The following GRB2 variants were observed in gnomAD, a reference collection of about 807,000 sequenced individuals.
GRB2 encodes growth factor receptor-bound protein 2.
In GRB2, 2 loss-of-function variants were observed where a neutral mutation model predicts 27.4. The ratio of observed to expected loss-of-function variants is 0.07; its 90% CI spans 0.03 to 0.23. GRB2 has a LOEUF of 0.23. GRB2 is among the 10% of genes least tolerant of loss of function. The probability of loss-of-function intolerance (pLI) is 1.00; values close to 1 mark genes in which losing one functional copy is unlikely to be tolerated. For missense variants in GRB2, 102 were observed against 282.4 expected (o/e 0.36, Z 4.58); for synonymous variants, 94 against 99.6 (o/e 0.94, Z 0.33).
chr17:75,358,897 A>ATT (rs3082677), intron 2 of GRB2, among the ~76,000 whole-genome samples: 34,285 of 83,118 alleles, frequency 0.41, 8,775 homozygotes, highest in East Asian at 0.76. Flanking sequence ...AAAAAAAAAA[A>ATT]ATTATATATA....
intron 2 of GRB2, among the ~76,000 whole-genome samples, chr17:75,389,407 G>A (rs975794607): frequency 6.6e-6 from 1 of 152,058 alleles, no homozygotes; most frequent in Non-Finnish European, 1.5e-5. Context: ...TGTGCAACCC[G>A]ACTCAAGTAT....
In GRB2 at chr17:75,405,567, T is replaced by G. The variant is rs1404513926; in HGVS notation, c.-216A>C. 2 of 155,534 alleles carry G rather than the reference T, an allele frequency of 1.3e-5. No homozygotes were observed. Among genetic ancestry groups the G allele is most frequent in the Non-Finnish European group, 2.9e-5 (2 of 69,472 alleles). The allele number at this position is 155,534 out of a possible 1,614,324, so 9.6% of individuals were successfully genotyped here. ...GCGGCCGGCGACCCCAAGGCTGCTCTGCGAGGGCAGCGCTTGCTCCCGCCG... is the reference window on the plus strand; with the variant it reads ...GCGGCCGGCGACCCCAAGGCTGCTCGGCGAGGGCAGCGCTTGCTCCCGCCG... On this transcript the variant is annotated 5_prime_UTR_variant, in exon 1 of 6. Transcript: ENST00000316804.
intron 2 of GRB2, among the ~76,000 whole-genome samples, chr17:75,336,379 A>G (rs931199215): frequency 6.6e-6 from 1 of 152,192 alleles, no homozygotes; most frequent in Admixed American, 6.5e-5. Context: ...TGGAAGACAG[A>G]GAGTCAGACT....
intron 2 of GRB2, among the ~76,000 whole-genome samples, chr17:75,351,077 GC>G (rs780753047): frequency 6.6e-6 from 1 of 152,314 alleles, no homozygotes. Flanking sequence ...ACAAAGAGCA[GC>G]AGCAGGAAGA....
chr17:75,339,848 T>C (rs2078608731), intron 2 of GRB2, among the ~76,000 whole-genome samples: 1 of 152,112 alleles, frequency 6.6e-6, no homozygotes, highest in Non-Finnish European at 1.5e-5. Context: ...AGGGTGGTCT[T>C]GAACTACTGA....
intron 2 of GRB2, among the ~76,000 whole-genome samples, chr17:75,350,719 C>A (rs2078686184): frequency 6.6e-6 from 1 of 152,124 alleles, no homozygotes; most frequent in African/African-American, 2.4e-5. Context: ...GTCTCGATCT[C>A]CTGACCTCGT....
intron 2 of GRB2, among the ~76,000 whole-genome samples, chr17:75,354,756 T>C (rs971465150): frequency 1.3e-5 from 2 of 152,078 alleles, no homozygotes; most frequent in East Asian, 1.9e-4. Context: ...ACAGTGAAAA[T>C]AGAAGAAAAG....
At chr17:75,348,098 A>C (rs1420736184) in intron 2 of GRB2, among the ~76,000 whole-genome samples, 1 of 152,188 alleles carries the variant, frequency 6.6e-6, no homozygotes, top group African/African-American at 2.4e-5. Context: ...TGGAGTGCAG[A>C]GGCACAATCA....
chr17:75,319,175 G>A lies in GRB2; in HGVS notation c.*1193C>T, dbSNP rs539604304. 1 of 80,278 alleles carries A rather than the reference G, an allele frequency of 1.2e-5. No homozygotes were observed. Among genetic ancestry groups the A allele is most frequent in the African/African-American group, 4.1e-5 (1 of 24,134 alleles). The allele number at this position is 80,278 out of a possible 1,614,324, so 5.0% of individuals were successfully genotyped here. A position where few individuals can be genotyped will look rare whatever the true frequency, so the allele number is the denominator to read the frequency against. Reference sequence around the variant, plus strand: ...CCTGGCTTAGTACAAGCAGGAGAACGCCTCACCTTCCACTCCTGCTTTGTC... The same window carrying A: ...CCTGGCTTAGTACAAGCAGGAGAACACCTCACCTTCCACTCCTGCTTTGTC... On this transcript the variant is annotated 3_prime_UTR_variant, in exon 6 of 6. Transcript: ENST00000316804.
Position 75,320,809 on chromosome 17 carries a change from G to A in GRB2, c.469-256C>T, listed in dbSNP as rs951290987. Among the ~76,000 whole-genome samples the A allele has an allele frequency of 1.1e-4, 16 of 152,122 alleles. No homozygotes were observed. The highest frequency in any genetic ancestry group is 3.4e-4 in the African/African-American group (14 of 41,412). ...CCAGAGGAGGGTGGCCAACTGTGCCGTATTATCAAGTAGAGGGCAGGCAGT... is the reference window on the plus strand; with the variant it reads ...CCAGAGGAGGGTGGCCAACTGTGCCATATTATCAAGTAGAGGGCAGGCAGT... On this transcript the variant is annotated intron_variant, in intron 5 of 5. Transcript: ENST00000316804. This position sits in a 1 kb window ranked among gnomAD's most constrained non-coding sequence, Gnocchi z 4.3.
intron 2 of GRB2, among the ~76,000 whole-genome samples, chr17:75,356,510 G>A (rs2078734977): frequency 6.6e-6 from 1 of 152,140 alleles, no homozygotes; most frequent in African/African-American, 2.4e-5. Context: ...CCTATCATTC[G>A]TTCTTTCATA....
intron 1 of GRB2, among the ~76,000 whole-genome samples, chr17:75,395,196 A>G (rs4788892): frequency 0.67 from 101,548 of 152,170 alleles, 39,010 homozygotes; most frequent in East Asian, 0.96. Context: ...AGATTAGACC[A>G]AGATAAGTAT....
At chr17:75,352,136 G>A (rs1262539774) in intron 2 of GRB2, among the ~76,000 whole-genome samples, 1 of 152,172 alleles carries the variant, frequency 6.6e-6, no homozygotes, top group African/African-American at 2.4e-5. Context: ...AATTACCCAG[G>A]TCCTGGCCTC....
intron 5 of GRB2, among the ~76,000 whole-genome samples, chr17:75,321,172 T>TC (rs2078456843): frequency 4.5e-5 from 1 of 22,312 alleles, no homozygotes; most frequent in African/African-American, 5.6e-5. Context: ...AACAAATCTT[T>TC]TTTTTTTTTT....
chr17:75,403,148 CA>C (rs11422812), intron 1 of GRB2, among the ~76,000 whole-genome samples: 2 of 136,784 alleles, frequency 1.5e-5, no homozygotes, highest in African/African-American at 5.4e-5. Flanking sequence ...CAACTTTGAC[CA>C]AAAAAAATAT....
At chr17:75,369,679 A>ACC (rs1347552074) in intron 2 of GRB2, among the ~76,000 whole-genome samples, 1 of 130,934 alleles carries the variant, frequency 7.6e-6, no homozygotes, top group Admixed American at 8.8e-5. Flanking sequence ...ACATGGTGAA[A>ACC]CCGTCTCCAC....
At chr17:75,351,803 C>T (rs2078694325) in intron 2 of GRB2, among the ~76,000 whole-genome samples, 1 of 152,204 alleles carries the variant, frequency 6.6e-6, no homozygotes, top group African/African-American at 2.4e-5. Flanking sequence ...AAAACAGCTA[C>T]ACCAAACTGC....
chr17:75,377,343 A>G (rs1001262534), intron 2 of GRB2, among the ~76,000 whole-genome samples: 1 of 151,962 alleles, frequency 6.6e-6, no homozygotes, highest in African/African-American at 2.4e-5. Context: ...AAAAGTGGCC[A>G]GGCAGAGTGG....
intron 2 of GRB2, among the ~76,000 whole-genome samples, chr17:75,361,706 G>A (rs2078783017): frequency 6.6e-6 from 1 of 151,946 alleles, no homozygotes; most frequent in Admixed American, 6.6e-5. Flanking sequence ...AAACTAGGGG[G>A]AAAAAGCTTC....
Sources: allele counts gnomAD v4.1 joint callset (sites outside exome capture counted in the v4.1 genomes callset), GRCh38; gene constraint gnomAD v4.1.1; non-coding constraint Gnocchi (gnomAD v3.1); transcripts MANE v1.5; gene names NCBI Gene and HGNC (gene_info 2026-07-23, HGNC 2026-07-21).